Variants in PARD3 observed in about 807,000 individuals in gnomAD.
PARD3 encodes par-3 family cell polarity regulator.
A neutral mutation model predicts 155.4 loss-of-function variants in PARD3; 75 were observed. That is an observed-to-expected ratio of 0.48 (90% CI 0.40 to 0.58). PARD3 has a LOEUF of 0.58. PARD3 is among the 20% of genes least tolerant of loss of function. The pLI is 0.00. For synonymous variants in PARD3, 576 were observed against 610.5 expected (o/e 0.94, Z 0.83); for missense variants, 1,642 against 1,721.7 (o/e 0.95, Z 0.82).
intron 2 of PARD3, among the ~76,000 whole-genome samples, chr10:34,663,503 T>G (rs2093377704): frequency 6.6e-6 from 1 of 152,146 alleles, no homozygotes; most frequent in African/African-American, 2.4e-5. Context: ...CTTAATCTCA[T>G]GTGGTTATTA....
intron 19 of PARD3, among the ~76,000 whole-genome samples, chr10:34,330,528 C>T (rs933198985): frequency 6.6e-6 from 1 of 151,926 alleles, no homozygotes; most frequent in African/African-American, 2.4e-5. Flanking sequence ...TTTAAGATCA[C>T]AGATTATTAC....
intron 1 of PARD3, among the ~76,000 whole-genome samples, chr10:34,758,533 C>T (rs954129073): frequency 7.9e-5 from 12 of 152,182 alleles, no homozygotes; most frequent in Admixed American, 7.9e-4. Context: ...CACTGTGTTG[C>T]CCACAATTTC....
intron 22 of PARD3, among the ~76,000 whole-genome samples, chr10:34,249,276 T>G (rs1242895368): frequency 2.0e-5 from 3 of 152,136 alleles, no homozygotes; most frequent in African/African-American, 7.2e-5. Flanking sequence ...CCTCCCAAAG[T>G]GCTGGGATTA....
At chr10:34,288,828 C>T (rs1465241358) in intron 20 of PARD3, among the ~76,000 whole-genome samples, 1 of 152,202 alleles carries the variant, frequency 6.6e-6, no homozygotes, top group Non-Finnish European at 1.5e-5. Context: ...TTGCAATCTG[C>T]TCTGACTCAC....
intron 22 of PARD3, among the ~76,000 whole-genome samples, chr10:34,216,766 T>C (rs558022950): frequency 9.8e-5 from 15 of 152,350 alleles, no homozygotes; most frequent in African/African-American, 3.1e-4. Context: ...ATGGCAGTAA[T>C]GTAAACAAGG....
At chr10:34,512,337 T>C (rs2081449591) in intron 3 of PARD3, among the ~76,000 whole-genome samples, 1 of 152,234 alleles carries the variant, frequency 6.6e-6, no homozygotes, top group South Asian at 2.1e-4. Flanking sequence ...GCTTCTTTAT[T>C]ATCATTATAC....
chr10:34,338,261 T>C (rs1836412580), intron 16 of PARD3, among the ~76,000 whole-genome samples: 1 of 152,244 alleles, frequency 6.6e-6, no homozygotes, highest in Non-Finnish European at 1.5e-5. Context: ...GGTAACAGGA[T>C]GCCTTCTGAA....
chr10:34,150,779 T>C (rs1948740643), intron 22 of PARD3, among the ~76,000 whole-genome samples: 1 of 152,182 alleles, frequency 6.6e-6, no homozygotes, highest in Admixed American at 6.5e-5. Context: ...TTTCACTAGT[T>C]ACAAAAAACT....
chr10:34,569,328 G>GATTTTTAAAT (rs1200005086), intron 2 of PARD3, among the ~76,000 whole-genome samples: 2 of 152,286 alleles, frequency 1.3e-5, no homozygotes, highest in Non-Finnish European at 2.9e-5. Flanking sequence ...ATTTGGGTTT[G>GATTTTTAAAT]ATTTTTAAAT....
At chr10:34,348,212 C>A in intron 14 of PARD3, 97 bp from the exon 15 acceptor site, 1 of 1,018,318 alleles carries the variant, frequency 9.8e-7, no homozygotes, top group Non-Finnish European at 1.4e-6. Flanking sequence ...GGCCTGTATC[C>A]AACTGGGTAC....
At chr10:34,454,555 A>G (rs143322035) in intron 4 of PARD3, among the ~76,000 whole-genome samples, 1 of 152,334 alleles carries the variant, frequency 6.6e-6, no homozygotes, top group Non-Finnish European at 1.5e-5. Context: ...TCTAATGATT[A>G]TAAAACTTAC....
intron 22 of PARD3, among the ~76,000 whole-genome samples, chr10:34,223,108 G>A (rs566343702): frequency 8.3e-4 from 126 of 152,230 alleles, no homozygotes; most frequent in African/African-American, 2.8e-3. Context: ...GGACGTGTGG[G>A]GTCGGAGAGC....
chr10:34,473,251 G>A (rs1336055430), intron 3 of PARD3, among the ~76,000 whole-genome samples: 2 of 152,086 alleles, frequency 1.3e-5, no homozygotes, highest in Non-Finnish European at 2.9e-5. Flanking sequence ...ATACAGTCTG[G>A]ATCTTCTATT....
intron 8 of PARD3, 27 bp downstream of exon 8, chr10:34,384,102 A>G (rs1481851920): frequency 1.2e-6 from 2 of 1,608,078 alleles, no homozygotes; most frequent in South Asian, 1.1e-5. Flanking sequence ...GCAAGTAAGA[A>G]CAGAAGTGCA....
intron 7 of PARD3, among the ~76,000 whole-genome samples, chr10:34,393,613 A>G (rs4098725): frequency 0.59 from 88,490 of 151,262 alleles, 28,060 homozygotes; most frequent in African/African-American, 0.85. Context: ...ACTTTAGGCC[A>G]GGTACAGCCG....
intron 22 of PARD3, among the ~76,000 whole-genome samples, chr10:34,217,761 C>CT (rs1952074502): frequency 6.6e-6 from 1 of 152,082 alleles, no homozygotes; most frequent in African/African-American, 2.4e-5. Context: ...TACTGAATTC[C>CT]TATTGCAGGT....
chr10:34,407,496 T>C (rs1463724392), intron 5 of PARD3, among the ~76,000 whole-genome samples: 1 of 152,238 alleles, frequency 6.6e-6, no homozygotes, highest in Non-Finnish European at 1.5e-5. Flanking sequence ...CCAGTGTCTC[T>C]TGGAACAATG....
At chr10:34,383,739 T>C (rs561281439) in intron 8 of PARD3, among the ~76,000 whole-genome samples, 1 of 152,128 alleles carries the variant, frequency 6.6e-6, no homozygotes, top group African/African-American at 2.4e-5. Flanking sequence ...ATAAAGTGTA[T>C]CTGAATACAA....
chr10:34,212,667 G>C (rs577494070), intron 22 of PARD3, among the ~76,000 whole-genome samples: 1 of 152,014 alleles, frequency 6.6e-6, no homozygotes, highest in South Asian at 2.1e-4. Context: ...GGGGCAGGGG[G>C]GGTTCTGAGG....
Sources: allele counts gnomAD v4.1 joint callset (sites outside exome capture counted in the v4.1 genomes callset), GRCh38; gene constraint gnomAD v4.1.1; transcripts MANE v1.5; gene names NCBI Gene and HGNC (gene_info 2026-07-23, HGNC 2026-07-21).